The following NBAS variants were observed in gnomAD, a reference collection of about 807,000 sequenced individuals.
The protein encoded by NBAS is NAG/BC035112 fusion.
A neutral mutation model predicts 302.5 loss-of-function variants in NBAS; 219 were observed. That is an observed-to-expected ratio of 0.72 (90% CI 0.65 to 0.81). The LOEUF (loss-of-function observed/expected upper bound fraction) is 0.81. Ranked by LOEUF, NBAS falls within the 30% of genes least tolerant of loss-of-function variation. NBAS has a pLI of 0.00. For missense variants in NBAS, 2,932 were observed against 2,841.6 expected (o/e 1.03, Z -0.72); for synonymous variants, 1,118 against 1,021.6 (o/e 1.09, Z -1.80).
At chr2:15,309,056 A>G (rs2148161569) in intron 39 of NBAS, 115 bp downstream of exon 39, 1 of 493,390 alleles carries the variant, frequency 2.0e-6, no homozygotes, top group East Asian at 4.9e-5. Context: ...TAAATAAAAG[A>G]AAAAAAAGAA....
At chr2:15,456,512 T>C (rs1302131883) in intron 21 of NBAS, among the ~76,000 whole-genome samples, 1 of 152,242 alleles carries the variant, frequency 6.6e-6, no homozygotes, top group Non-Finnish European at 1.5e-5. Flanking sequence ...TAGGCACTGT[T>C]CTCAGTACTG....
chr2:15,515,919 C>T (rs1207505684), intron 9 of NBAS, among the ~76,000 whole-genome samples: 2 of 152,126 alleles, frequency 1.3e-5, no homozygotes, highest in Non-Finnish European at 2.9e-5. Context: ...CAAAGAGACC[C>T]ATCTTCTTAC....
the NBAS span, among the ~76,000 whole-genome samples, chr2:14,888,443 A>G: frequency 2.7e-5 from 4 of 145,564 alleles, no homozygotes; most frequent in Non-Finnish European, 6.0e-5. Context: ...GAGCCACGGC[A>G]CCCGGCCCCC....
intron 11 of NBAS, among the ~76,000 whole-genome samples, chr2:15,503,111 C>T (rs1451784325): frequency 1.3e-5 from 2 of 152,198 alleles, no homozygotes; most frequent in Non-Finnish European, 2.9e-5. Flanking sequence ...TCTACCTCCA[C>T]ATCTTATCCC....
At chr2:15,235,061 T>C (rs1414909073) in intron 45 of NBAS, among the ~76,000 whole-genome samples, 1 of 152,186 alleles carries the variant, frequency 6.6e-6, no homozygotes, top group African/African-American at 2.4e-5. Flanking sequence ...GATAATATAA[T>C]GGTCAGTTCT....
In NBAS at chr2:15,309,154, G is replaced by T; in HGVS notation, c.4659+17C>A. 1 of 1,602,804 alleles carries T rather than the reference G, an allele frequency of 6.2e-7. No homozygotes were observed. Among genetic ancestry groups the T allele is most frequent in the South Asian group, 1.1e-5 (1 of 90,586 alleles). ...ATTTAGTCATTTTAAATTCTTCATTGGTAAGGGCAAACTTACTTGTGGTAA... is the reference window on the plus strand; with the variant it reads ...ATTTAGTCATTTTAAATTCTTCATTTGTAAGGGCAAACTTACTTGTGGTAA... On this transcript the variant is annotated intron_variant, in intron 39 of 51. Transcript: ENST00000281513.
intron 44 of NBAS, among the ~76,000 whole-genome samples, chr2:15,254,455 G>A (rs923736278): frequency 6.6e-6 from 1 of 152,166 alleles, no homozygotes; most frequent in African/African-American, 2.4e-5. Flanking sequence ...TTACAAAGTG[G>A]TAGAAAGGTG....
the NBAS span, among the ~76,000 whole-genome samples, chr2:14,864,970 C>T: frequency 2.0e-5 from 3 of 152,210 alleles, no homozygotes; most frequent in Non-Finnish European, 2.9e-5. Context: ...TGTTCACAGA[C>T]CCCTTAGTCT....
chr2:15,424,863 T>C (rs1425751197), intron 22 of NBAS, among the ~76,000 whole-genome samples: 1 of 152,130 alleles, frequency 6.6e-6, no homozygotes, highest in African/African-American at 2.4e-5. Flanking sequence ...TTTAGGAAAA[T>C]ATCCCCAGTG....
intron 9 of NBAS, among the ~76,000 whole-genome samples, chr2:15,529,899 G>C (rs1050489015): frequency 1.3e-5 from 2 of 151,960 alleles, no homozygotes; most frequent in Admixed American, 6.5e-5. Context: ...TTTTATAATC[G>C]AAAGTGTTTT....
chr2:14,952,233 C>T, the NBAS span, among the ~76,000 whole-genome samples: 1 of 152,192 alleles, frequency 6.6e-6, no homozygotes, highest in Non-Finnish European at 1.5e-5. Flanking sequence ...ATAAATGGCA[C>T]TCTCACGCCC....
At chr2:15,105,058 T>TATA in the NBAS span, among the ~76,000 whole-genome samples, 1 of 152,010 alleles carries the variant, frequency 6.6e-6, no homozygotes, top group African/African-American at 2.4e-5. Context: ...CACATATACA[T>TATA]CATGGGATAC....
At chr2:15,218,467 C>G (rs1484670999) in intron 48 of NBAS, among the ~76,000 whole-genome samples, 2 of 152,152 alleles carry the variant, frequency 1.3e-5, no homozygotes, top group African/African-American at 4.8e-5. Flanking sequence ...CTCTGTTGCC[C>G]AGGCTGGAGT....
At chr2:15,031,881 AGGG>A in the NBAS span, among the ~76,000 whole-genome samples, 5 of 152,182 alleles carry the variant, frequency 3.3e-5, no homozygotes, top group Admixed American at 3.3e-4. Context: ...CTTGCCAGGG[AGGG>A]CCTCCTGAAA....
chr2:15,150,000 AG>A, the NBAS span, among the ~76,000 whole-genome samples: 3 of 149,870 alleles, frequency 2.0e-5, no homozygotes, highest in East Asian at 5.9e-4. Flanking sequence ...GCTTGATCCC[AG>A]GAAGTTGAGG....
chr2:14,823,861 C>G, the NBAS span, among the ~76,000 whole-genome samples: 2 of 151,978 alleles, frequency 1.3e-5, no homozygotes, highest in East Asian at 3.9e-4. Flanking sequence ...AAAATGTAAA[C>G]ATTTTCCAGC....
the NBAS span, among the ~76,000 whole-genome samples, chr2:15,025,440 C>G: frequency 6.6e-6 from 1 of 152,116 alleles, no homozygotes; most frequent in Non-Finnish European, 1.5e-5. Flanking sequence ...ATTGCTTTAG[C>G]TATTTGGGCT....
intron 40 of NBAS, among the ~76,000 whole-genome samples, chr2:15,295,142 A>G (rs780464791): frequency 1.4e-4 from 22 of 152,224 alleles, no homozygotes; most frequent in Non-Finnish European, 2.8e-4. Context: ...ATTAGCCTCA[A>G]TGGTAGAACC....
the NBAS span, among the ~76,000 whole-genome samples, chr2:14,788,936 T>A: frequency 6.6e-6 from 1 of 152,202 alleles, no homozygotes; most frequent in African/African-American, 2.4e-5. Context: ...CCCCCAGAGG[T>A]GGAGCCTACA....
Sources: allele counts gnomAD v4.1 joint callset (sites outside exome capture counted in the v4.1 genomes callset), GRCh38; gene constraint gnomAD v4.1.1; transcripts MANE v1.5; gene names NCBI Gene and HGNC (gene_info 2026-07-23, HGNC 2026-07-21).